The following PCDHGB6 variants were observed in gnomAD, a reference collection of about 807,000 sequenced individuals.
PCDHGB6 encodes the protein protocadherin gamma-B6.
A neutral mutation model predicts 59.1 loss-of-function variants in PCDHGB6; 51 were observed. The observed-to-expected ratio is 0.86, with a 90% CI of 0.69 to 1.09. The LOEUF is 1.09. Ranked by LOEUF, PCDHGB6 falls within the 50% of genes least tolerant of loss-of-function variation. The probability of loss-of-function intolerance (pLI) is 0.00; values close to 1 mark genes in which losing one functional copy is unlikely to be tolerated. For missense variants in PCDHGB6, 1,148 were observed against 1,205.1 expected (o/e 0.95, Z 0.70); for synonymous variants, 466 against 495.1 (o/e 0.94, Z 0.78).
At position 141,512,951 on chromosome 5, in the gene PCDHGB6, AATAAT is replaced by A. The variant is rs1231390259; in HGVS notation, c.*1780_*1784del. 2.1e-5 allele frequency: 3 copies of A among 141,994 alleles called. No homozygotes were observed. Among genetic ancestry groups the A allele is most frequent in the Non-Finnish European group, 4.8e-5 (3 of 62,372 alleles). The allele number at this position is 141,994 out of a possible 1,614,324, so 8.8% of individuals were successfully genotyped here. A position where few individuals can be genotyped will look rare whatever the true frequency, so the allele number is the denominator to read the frequency against. On this transcript the variant is annotated 3_prime_UTR_variant, in exon 4 of 4. Coordinates refer to ENST00000520790, the MANE Select transcript of PCDHGB6 (RefSeq NM_018926.3). ...TATGGCTTTTTTTCTTCGACAAAAAAATAATAAAACGTTTCTTCTGAAAAGCTGAA... is the reference window on the plus strand; with the variant it reads ...TATGGCTTTTTTTCTTCGACAAAAAAAAAACGTTTCTTCTGAAAAGCTGAA...
At chr5:141,424,022 AAC>A (rs1390245883) in intron 1 of PCDHGB6, 1 of 1,046,586 alleles carries the variant, frequency 9.6e-7, no homozygotes, top group Non-Finnish European at 1.2e-6. Flanking sequence ...ATGATTCACA[AAC>A]ACTTTTTATT....
chr5:141,436,713 G>T (rs2097842329), intron 1 of PCDHGB6, among the ~76,000 whole-genome samples: 1 of 152,190 alleles, frequency 6.6e-6, no homozygotes, highest in Non-Finnish European at 1.5e-5. Context: ...TCGATGTTCT[G>T]TTGGGAAAAA....
intron 1 of PCDHGB6, among the ~76,000 whole-genome samples, chr5:141,480,513 C>T (rs1376669385): frequency 7.9e-6 from 1 of 127,246 alleles, no homozygotes. Context: ...ATGAGAACAA[C>T]CAAAAATGAC....
chr5:141,484,000 G>C (rs1425172275), intron 1 of PCDHGB6, among the ~76,000 whole-genome samples: 1 of 147,812 alleles, frequency 6.8e-6, no homozygotes, highest in Admixed American at 6.8e-5. Context: ...TGGGAGGTCT[G>C]GATGAGGGTG....
chr5:141,438,545 A>C (rs915206342), intron 1 of PCDHGB6, among the ~76,000 whole-genome samples: 4 of 140,354 alleles, frequency 2.8e-5, no homozygotes, highest in Admixed American at 7.4e-5. Flanking sequence ...TCTATATCTA[A>C]GCCCTAATAA....
Position 141,477,856 on chromosome 5 carries a change from G to T in PCDHGB6, c.2419-16951G>T, listed in dbSNP as rs773703641. ...CAGGTGGGAGCTCGGTGGAGATGCTGCCTCGAGGTACCTCAGCTGGCCACC... is the reference window on the plus strand; with the variant it reads ...CAGGTGGGAGCTCGGTGGAGATGCTTCCTCGAGGTACCTCAGCTGGCCACC... On this transcript the variant is annotated intron_variant, in intron 1 of 3. Coordinates refer to ENST00000520790, the MANE Select transcript of PCDHGB6 (RefSeq NM_018926.3). This position sits in a 1 kb window ranked among gnomAD's most constrained non-coding sequence, Gnocchi z 4.9. 1 of 1,613,474 alleles carries T rather than the reference G, an allele frequency of 6.2e-7. No homozygotes were observed. Among genetic ancestry groups the T allele is most frequent in the Non-Finnish European group, 8.5e-7 (1 of 1,179,854 alleles).
chr5:141,509,179 C>T (rs895281717), intron 3 of PCDHGB6, among the ~76,000 whole-genome samples: 1 of 152,172 alleles, frequency 6.6e-6, no homozygotes, highest in African/African-American at 2.4e-5. Flanking sequence ...TCCTCTTATG[C>T]CGGCTTGAAA....
At chr5:141,425,069 A>C (rs771114613) in intron 1 of PCDHGB6, among the ~76,000 whole-genome samples, 30 of 152,170 alleles carry the variant, frequency 2.0e-4, no homozygotes, top group Non-Finnish European at 4.1e-4. Context: ...GACAAAAATA[A>C]TTTCAACTGT....
chr5:141,494,759 C>A (rs776923097), intron 1 of PCDHGB6, 48 bp from the exon 2 acceptor site: 3 of 1,613,886 alleles, frequency 1.9e-6, no homozygotes, highest in Non-Finnish European at 2.5e-6. Context: ...GGGTGACATT[C>A]TAACTTCTCA....
chr5:141,478,292 C>T, intron 1 of PCDHGB6: 1 of 1,614,146 alleles, frequency 6.2e-7, no homozygotes, highest in Non-Finnish European at 8.5e-7. Flanking sequence ...GTCTAGAGAC[C>T]TATACCGAGC....
chr5:141,476,029 A>G lies in PCDHGB6; in HGVS notation c.2419-18778A>G, dbSNP rs975943706. The G allele has an allele frequency of 2.3e-5, 34 of 1,455,312 alleles. No homozygotes were observed. The highest frequency in any genetic ancestry group is 1.1e-4 in the African/African-American group (8 of 70,728). 90.1% of individuals were successfully genotyped at this position (1,455,312 alleles called of 1,614,324 possible). A position where few individuals can be genotyped will look rare whatever the true frequency, so the allele number is the denominator to read the frequency against. On this transcript the variant is annotated intron_variant, in intron 1 of 3. Transcript: ENST00000520790. The surrounding 1 kb of genome is among the most constrained non-coding windows in gnomAD (Gnocchi z 7.6). The stretch of plus-strand genomic sequence containing the variant: ...GAAAGCCATGTCGGACTCGGCGCCC[A>G]GCGCCCAAGCGCTAACCCGCTGAAA...
At chr5:141,425,717 C>G (rs1207360676) in intron 1 of PCDHGB6, among the ~76,000 whole-genome samples, 1 of 152,188 alleles carries the variant, frequency 6.6e-6, no homozygotes, top group African/African-American at 2.4e-5. Context: ...TTTTCCCATA[C>G]CACTTGATGG....
At chr5:141,438,591 C>CATATATATATATATATATAT (rs946798767) in intron 1 of PCDHGB6, among the ~76,000 whole-genome samples, 1 of 75,562 alleles carries the variant, frequency 1.3e-5, no homozygotes, top group Non-Finnish European at 2.7e-5. Context: ...TACATACATA[C>CATATATATATATATATATAT]ATATATATAT....
intron 1 of PCDHGB6, chr5:141,420,184 A>G: frequency 5.0e-6 from 8 of 1,613,990 alleles, no homozygotes; most frequent in Non-Finnish European, 6.8e-6. Context: ...ATCATTGTCC[A>G]GCCACACAAG....
At chr5:141,510,754 C>G (rs1407911674) in intron 3 of PCDHGB6, among the ~76,000 whole-genome samples, 193 bp from the exon 4 acceptor site, 3 of 152,168 alleles carry the variant, frequency 2.0e-5, no homozygotes, top group African/African-American at 7.2e-5. Flanking sequence ...GACTTTCTCA[C>G]TCCAGAGCCT....
intron 1 of PCDHGB6, chr5:141,413,963 C>T (rs1368202031): frequency 6.8e-6 from 11 of 1,613,446 alleles, no homozygotes; most frequent in Non-Finnish European, 9.3e-6. Context: ...CCTGTGGGCA[C>T]TCAGCTGCTG....
chr5:141,415,007 G>C, intron 1 of PCDHGB6: 1 of 1,613,654 alleles, frequency 6.2e-7, no homozygotes, highest in Non-Finnish European at 8.5e-7. Context: ...CTGTCCTACC[G>C]TCTGCTCAAG....
chr5:141,458,551 T>A (rs1019302178), intron 1 of PCDHGB6, among the ~76,000 whole-genome samples: 1 of 148,194 alleles, frequency 6.7e-6, no homozygotes, highest in Non-Finnish European at 1.5e-5. Flanking sequence ...TTTGTTTGTT[T>A]GTTTTGGTTT....
rs140056243 is a variant in PCDHGB6 at position 141,487,386 on chromosome 5, G to A, written c.2419-7421G>A. 21 of 1,614,046 alleles carry A rather than the reference G, an allele frequency of 1.3e-5. No individual in the cohort carries two copies. The highest frequency in any genetic ancestry group is 4.0e-5 in the African/African-American group (3 of 74,920). On this transcript the variant is annotated intron_variant, in intron 1 of 3. Coordinates refer to ENST00000520790, the MANE Select transcript of PCDHGB6 (RefSeq NM_018926.3). The surrounding 1 kb of genome is among the most constrained non-coding windows in gnomAD (Gnocchi z 5.0). Reference sequence around the variant, plus strand: ...ACCTGTGCCTGTCTCACCAGATCTCGAAGGAGGGAGGGGCTTCCCCCTTCC... The same window carrying A: ...ACCTGTGCCTGTCTCACCAGATCTCAAAGGAGGGAGGGGCTTCCCCCTTCC...
Sources: allele counts gnomAD v4.1 joint callset (sites outside exome capture counted in the v4.1 genomes callset), GRCh38; gene constraint gnomAD v4.1.1; non-coding constraint Gnocchi (gnomAD v3.1); transcripts MANE v1.5; gene names NCBI Gene and HGNC (gene_info 2026-07-23, HGNC 2026-07-21).